The following ENPP3 variants were observed in gnomAD, a reference collection of about 807,000 sequenced individuals.
ENPP3 encodes ectonucleotide pyrophosphatase/phosphodiesterase 3, also known as ectonucleotide pyrophosphatase/phosphodiesterase family member 3.
A neutral mutation model predicts 117.8 loss-of-function variants in ENPP3; 104 were observed. The ratio of observed to expected loss-of-function variants is 0.88; its 90% CI spans 0.75 to 1.04. ENPP3 has a LOEUF of 1.04. ENPP3 is among the 50% of genes least tolerant of loss of function. ENPP3 has a pLI of 0.00. For synonymous variants in ENPP3, 380 were observed against 349.9 expected, an observed-to-expected ratio of 1.09 and a Z score of -0.96; for missense variants, 1,026 against 1,051.9, an observed-to-expected ratio of 0.98 and a Z score of 0.34.
chr6:131,684,750 T>C (rs1779113257), intron 12 of ENPP3, among the ~76,000 whole-genome samples: 1 of 152,192 alleles, frequency 6.6e-6, no homozygotes, highest in African/African-American at 2.4e-5. Flanking sequence ...TACCAAATCT[T>C]TTTATAGCAC....
At position 131,674,262 on chromosome 6, in the gene ENPP3, C is replaced by G. The variant is rs202198426; in HGVS notation, c.743C>G (p.Ala248Gly). ...TCTTCAAAGGAACAAAATAATCCAG[C>G]CTGGTGGCATGGGCAACCAGTATGT... ...SLSSKEQNNP[A>G]WWHGQPMWLT... Residue 248 changes from alanine to glycine, a missense_variant, in exon 8 of 25, where the codon GCC (alanine) becomes GGC (glycine). By Grantham distance (60) the Ala-to-Gly change is moderately conservative. Coordinates refer to ENST00000357639, the MANE Select transcript of ENPP3 (RefSeq NM_005021.5). 3 of 1,613,496 alleles carry G rather than the reference C, an allele frequency of 1.9e-6. No homozygotes were observed. The highest frequency in any genetic ancestry group is 2.2e-5 in the East Asian group (1 of 44,848).
intron 15 of ENPP3, among the ~76,000 whole-genome samples, chr6:131,703,888 A>G (rs999923924): frequency 3.6e-4 from 54 of 151,654 alleles, no homozygotes; most frequent in Non-Finnish European, 6.3e-4. Context: ...TTGCACCAGC[A>G]TGATTTCCAT....
chr6:131,673,308 T>C (rs1446104339), intron 7 of ENPP3, among the ~76,000 whole-genome samples: 1 of 152,114 alleles, frequency 6.6e-6, no homozygotes, highest in Non-Finnish European at 1.5e-5. Flanking sequence ...TGCCCATCAA[T>C]GACAGACTAG....
chr6:131,659,681 C>T (rs1778458473), intron 6 of ENPP3, among the ~76,000 whole-genome samples: 1 of 152,158 alleles, frequency 6.6e-6, no homozygotes. Flanking sequence ...TGCATTGTTT[C>T]TTCAGCTTCT....
intron 20 of ENPP3, among the ~76,000 whole-genome samples, chr6:131,732,710 C>CATTTATTATT (rs1780311169): frequency 7.6e-6 from 1 of 131,750 alleles, no homozygotes; most frequent in African/African-American, 2.8e-5. Flanking sequence ...TGGCCTAAGA[C>CATTTATTATT]ATTATTATTA....
intron 15 of ENPP3, chr6:131,710,004 A>G (rs1779743880): frequency 1.2e-6 from 2 of 1,604,762 alleles, no homozygotes; most frequent in African/African-American, 1.3e-5. Context: ...ACTGAATAAT[A>G]ATGTGGTTTC....
chr6:131,695,032 T>G (rs1194890733), intron 15 of ENPP3, among the ~76,000 whole-genome samples: 1 of 151,568 alleles, frequency 6.6e-6, no homozygotes, highest in Non-Finnish European at 1.5e-5. Flanking sequence ...GTTCACTAGA[T>G]GGTGCTGACC....
Position 131,693,577 on chromosome 6 carries a change from A to C in ENPP3, c.1365A>C (p.Arg455Ser). ...PKRLHYAKNVRIDKVHLFVDQ... is the reference protein window; with the variant it reads ...PKRLHYAKNVSIDKVHLFVDQ... ...GACTGCACTATGCCAAGAACGTCAG[A>C]ATCGACAAAGTTCATCTCTTTGTGG... The change falls in exon 15 of 25, where the codon AGA becomes AGC. Residue 455 changes from arginine to serine, a missense_variant. Coordinates refer to ENST00000357639, the MANE Select transcript of ENPP3 (RefSeq NM_005021.5). 6.2e-7 allele frequency: 1 copy of C among 1,613,960 alleles called. No individual in the cohort carries two copies. Among genetic ancestry groups the C allele is most frequent in the South Asian group, 1.1e-5 (1 of 91,022 alleles).
rs540011427 is a variant in ENPP3, at chr6:131,641,799, G to GTTTTTTTTTTTTTTTTT, written c.154+277_154+293dup. ...TTTTCTCTTACCTTTCTCCACCCTG[G>GTTTTTTTTTTTTTTTTT]TTTTTTTTTTTTTTTTTTTTTTTTG... On this transcript the variant is annotated intron_variant, in intron 2 of 24. Transcript: ENST00000357639. Among the ~76,000 whole-genome samples, 7 of 64,064 alleles carry GTTTTTTTTTTTTTTTTT rather than the reference G, an allele frequency of 1.1e-4. 1 individual carries two copies. Among genetic ancestry groups the GTTTTTTTTTTTTTTTTT allele is most frequent in the East Asian group, 7.5e-4 (1 of 1,330 alleles). The allele number at this position is 64,064 out of a possible 152,430, so 42.0% of individuals were successfully genotyped here. A position where few individuals can be genotyped will look rare whatever the true frequency, so the allele number is the denominator to read the frequency against.
rs541784129 is a variant in ENPP3, at chr6:131,679,074, T to C, written c.1011+1134T>C. On this transcript the variant is annotated intron_variant, in intron 11 of 24. Transcript: ENST00000357639. ...CTTTCTTTCTTTCTTTCTTTCTTTCTTTCTTTCTTTCTTTTCTTCTTTCTT... is the reference window on the plus strand; with the variant it reads ...CTTTCTTTCTTTCTTTCTTTCTTTCCTTCTTTCTTTCTTTTCTTCTTTCTT... Among the ~76,000 whole-genome samples the C allele has an allele frequency of 2.8e-3, 381 of 135,474 alleles. 12 individuals are homozygous for C. The highest frequency in any genetic ancestry group is 0.025 in the Middle Eastern group (7 of 278). The allele number at this position is 135,474 out of a possible 152,430, so 88.9% of individuals were successfully genotyped here.
chr6:131,730,650 T>G (rs1045769756), intron 20 of ENPP3, among the ~76,000 whole-genome samples: 1 of 152,236 alleles, frequency 6.6e-6, no homozygotes, highest in African/African-American at 2.4e-5. Context: ...GCGCAGTGGC[T>G]CACGCCTGTA....
intron 24 of ENPP3, among the ~76,000 whole-genome samples, chr6:131,743,096 G>A (rs962394341): frequency 6.6e-6 from 1 of 152,148 alleles, no homozygotes; most frequent in Admixed American, 6.6e-5. Flanking sequence ...AAGTTAATAA[G>A]AGTAGCTGTC....
chr6:131,695,771 C>G (rs1333729383), intron 15 of ENPP3, among the ~76,000 whole-genome samples: 2 of 152,130 alleles, frequency 1.3e-5, no homozygotes, highest in African/African-American at 4.8e-5. Flanking sequence ...CAAAAATTGG[C>G]CAGGCATGGT....
At chr6:131,691,331 G>A (rs1779273311) in intron 14 of ENPP3, among the ~76,000 whole-genome samples, 3 of 152,258 alleles carry the variant, frequency 2.0e-5, no homozygotes, top group Non-Finnish European at 2.9e-5. Flanking sequence ...GCTCATTCCT[G>A]TAATCCCAGC....
chr6:131,732,805 C>T (rs1008653783), intron 20 of ENPP3, among the ~76,000 whole-genome samples: 2 of 150,244 alleles, frequency 1.3e-5, no homozygotes, highest in African/African-American at 4.9e-5. Context: ...GGCCCAGTCT[C>T]AGCTCACCTC....
At position 131,671,406 on chromosome 6, in the gene ENPP3, A is replaced by ACCGAGTTCTGTGACTTAGAACTGG; in HGVS notation, c.642+96_642+97insGAACTGGCCGAGTTCTGTGACTTA. 4.7e-6 allele frequency: 4 copies of ACCGAGTTCTGTGACTTAGAACTGG among 855,912 alleles called. No homozygotes were observed. In the South Asian group the frequency reaches 5.7e-5, roughly 12 times the overall value. The allele number at this position is 855,912 out of a possible 1,614,324, so 53.0% of individuals were successfully genotyped here. A position where few individuals can be genotyped will look rare whatever the true frequency, so the allele number is the denominator to read the frequency against. On this transcript the variant is annotated intron_variant, in intron 7 of 24. Coordinates refer to ENST00000357639, the MANE Select transcript of ENPP3 (RefSeq NM_005021.5). ...AACAGACATGTTTGGGCAGGAACTG[A>ACCGAGTTCTGTGACTTAGAACTGG]CCGAGTTCTGTGACTTACCCTTCTG...
chr6:131,701,266 C>T, intron 15 of ENPP3: 3 of 1,478,798 alleles, frequency 2.0e-6, no homozygotes, highest in Non-Finnish European at 2.8e-6. Context: ...GAGATGAGCC[C>T]CAGTATGGTC....
At position 131,747,016 on chromosome 6, in the gene ENPP3, G is replaced by A. The variant is rs946776252; in HGVS notation, c.*60G>A. ...ATAAAGTAATTTTGGCAAAATATAA[G>A]TGATTTTTTTCTGGAGAATTGTAAA... On this transcript the variant is annotated 3_prime_UTR_variant, in exon 25 of 25. Transcript: ENST00000357639. 2.1e-5 allele frequency: 19 copies of A among 900,962 alleles called. No homozygotes were observed. The highest frequency in any genetic ancestry group is 3.3e-5 in the East Asian group (1 of 30,606). 55.8% of individuals were successfully genotyped at this position (900,962 alleles called of 1,614,324 possible).
intron 7 of ENPP3, among the ~76,000 whole-genome samples, chr6:131,672,192 C>G (rs983739155): frequency 6.6e-6 from 1 of 152,160 alleles, no homozygotes; most frequent in Non-Finnish European, 1.5e-5. Flanking sequence ...ATATTCCTAG[C>G]TAAGGTCTAA....
Sources: gnomAD v4.1 joint callset for allele counts (sites outside exome capture counted in the v4.1 genomes callset) on GRCh38, gnomAD v4.1.1 for gene constraint, MANE v1.5 for transcripts, NCBI Gene and HGNC (gene_info 2026-07-23, HGNC 2026-07-21) for gene names.